LGSN: variants seen among roughly 807,000 people sequenced by gnomAD.
LGSN encodes lengsin.
Under a neutral mutation model 19.5 loss-of-function variants are expected in LGSN, and 21 were observed. The observed-to-expected ratio is 1.07, with a 90% CI of 0.76 to 1.55. The LOEUF (loss-of-function observed/expected upper bound fraction) is 1.55. Among genes scored for constraint, LGSN ranks in the 40% most tolerant of loss-of-function variants. The probability of loss-of-function intolerance (pLI) is 0.00; values close to 1 mark genes in which losing one functional copy is unlikely to be tolerated. For missense variants in LGSN, 673 were observed against 608.5 expected (o/e 1.11, Z -1.12); for synonymous variants, 257 against 215.6 (o/e 1.19, Z -1.68).
chr6:63,434,574 C>T, the LGSN span, among the ~76,000 whole-genome samples: 1 of 119,374 alleles, frequency 8.4e-6, no homozygotes, highest in African/African-American at 3.2e-5. Context: ...GCCTGGCCAA[C>T]ATGGTGAAAC....
the LGSN span, among the ~76,000 whole-genome samples, chr6:63,495,469 T>TTTTGTTTTTG: frequency 1.7e-5 from 2 of 119,306 alleles, no homozygotes; most frequent in African/African-American, 6.8e-5. Flanking sequence ...TTTTTTTTTT[T>TTTTGTTTTTG]TTTTTTTGAG....
chr6:63,458,723 A>G, the LGSN span, among the ~76,000 whole-genome samples: 2 of 152,212 alleles, frequency 1.3e-5, no homozygotes, highest in Non-Finnish European at 2.9e-5. Context: ...CAGAGAGAGA[A>G]TGTACTTTGG....
the LGSN span, among the ~76,000 whole-genome samples, chr6:63,461,610 G>A: frequency 6.6e-6 from 1 of 152,180 alleles, no homozygotes; most frequent in African/African-American, 2.4e-5. Context: ...ACCACCTCCA[G>A]AAGAGATATG....
the LGSN span, among the ~76,000 whole-genome samples, chr6:63,333,913 A>G: frequency 6.6e-6 from 1 of 152,252 alleles, no homozygotes; most frequent in Non-Finnish European, 1.5e-5. Context: ...AGCATTTGAT[A>G]AAATTCAACA....
the LGSN span, among the ~76,000 whole-genome samples, chr6:63,412,427 A>AAAGC: frequency 7.2e-6 from 1 of 138,376 alleles, no homozygotes; most frequent in Admixed American, 7.4e-5. Context: ...AGAAAGAAAG[A>AAAGC]AAGAAAGAAA....
At chr6:63,377,775 G>T in the LGSN span, among the ~76,000 whole-genome samples, 1 of 151,616 alleles carries the variant, frequency 6.6e-6, no homozygotes, top group East Asian at 1.9e-4. Context: ...TTATCAGGGC[G>T]TGGTGGTGTG....
At chr6:63,486,684 T>TC in the LGSN span, among the ~76,000 whole-genome samples, 5 of 141,924 alleles carry the variant, frequency 3.5e-5, no homozygotes, top group African/African-American at 7.9e-5. Flanking sequence ...ATTTTCTTCT[T>TC]TTTTTTTTTT....
At chr6:63,335,142 CAAAA>C in the LGSN span, among the ~76,000 whole-genome samples, 1 of 81,886 alleles carries the variant, frequency 1.2e-5, no homozygotes. Context: ...GACTCCATCT[CAAAA>C]AAAAAAAAAA....
At chr6:63,321,843 T>A (rs1391586413), upstream of LGSN, among the ~76,000 whole-genome samples, 1 of 152,220 alleles carries the variant, frequency 6.6e-6, no homozygotes, top group African/African-American at 2.4e-5. Context: ...TCCAGAAAGC[T>A]ATCTTAGTCA....
the LGSN span, among the ~76,000 whole-genome samples, chr6:63,561,919 T>A: frequency 6.6e-6 from 1 of 152,194 alleles, no homozygotes; most frequent in Non-Finnish European, 1.5e-5. Context: ...GAGAGTACAA[T>A]AAGGCTACAG....
chr6:63,378,997 G>A, the LGSN span, among the ~76,000 whole-genome samples: 2 of 152,188 alleles, frequency 1.3e-5, no homozygotes, highest in African/African-American at 2.4e-5. Flanking sequence ...CAGCTCGGCA[G>A]GGTTTCCTCC....
At chr6:63,428,177 T>C in the LGSN span, among the ~76,000 whole-genome samples, 1 of 152,084 alleles carries the variant, frequency 6.6e-6, no homozygotes, top group Non-Finnish European at 1.5e-5. Flanking sequence ...ATAAAACGTT[T>C]GCACAATAAA....
the LGSN span, among the ~76,000 whole-genome samples, chr6:63,467,415 T>G: frequency 6.6e-6 from 1 of 152,146 alleles, no homozygotes. Flanking sequence ...TATTTGCTAG[T>G]GCTGCAATAA....
the LGSN span, among the ~76,000 whole-genome samples, chr6:63,523,772 T>A: frequency 6.6e-6 from 1 of 152,068 alleles, no homozygotes; most frequent in East Asian, 1.9e-4. Flanking sequence ...TGTTAGTGTA[T>A]TTCATGTGTG....
intron 1 of LGSN, among the ~76,000 whole-genome samples, chr6:63,309,270 A>G (rs1045792725): frequency 3.3e-5 from 5 of 152,140 alleles, no homozygotes; most frequent in Admixed American, 2.0e-4. Flanking sequence ...CGCCTCTAGT[A>G]AAAATACAAA....
the LGSN span, among the ~76,000 whole-genome samples, chr6:63,361,390 C>T: frequency 6.6e-6 from 1 of 152,200 alleles, no homozygotes; most frequent in African/African-American, 2.4e-5. Flanking sequence ...TGCCACCTTG[C>T]AGTTTGATCT....
chr6:63,280,442 G>T lies in LGSN; in HGVS notation c.1109C>A (p.Ser370Tyr). Residue 370 changes from serine to tyrosine, a missense_variant, in exon 4 of 4, where the codon TCC becomes TAC. Transcript: ENST00000370657. ...APSVSCRKRY[S>Y]KDRKDLKKSV... ...CTTCTTCAGGTCTTTCCTGTCCTTG[G>T]AATAACGCTTTCGGCAGCTAACAGA... The T allele has an allele frequency of 6.2e-7, 1 of 1,614,178 alleles. No homozygotes were observed. Among genetic ancestry groups the T allele is most frequent in the Non-Finnish European group, 8.5e-7 (1 of 1,180,040 alleles).
At chr6:63,436,632 G>C in the LGSN span, among the ~76,000 whole-genome samples, 3 of 152,130 alleles carry the variant, frequency 2.0e-5, no homozygotes, top group African/African-American at 4.8e-5. Flanking sequence ...CCATTCCCCA[G>C]ACAGCAAGGC....
At chr6:63,391,921 C>T in the LGSN span, among the ~76,000 whole-genome samples, 1 of 152,162 alleles carries the variant, frequency 6.6e-6, no homozygotes, top group Non-Finnish European at 1.5e-5. Flanking sequence ...GCAACTTGGT[C>T]TCCTCTCCAG....
Sources: allele counts gnomAD v4.1 joint callset (sites outside exome capture counted in the v4.1 genomes callset), GRCh38; gene constraint gnomAD v4.1.1; transcripts MANE v1.5; gene names NCBI Gene and HGNC (gene_info 2026-07-23, HGNC 2026-07-21).